EDA: variants seen among roughly 807,000 people sequenced by gnomAD.
EDA encodes ectodysplasin-A.
In EDA, 2 loss-of-function variants were observed where a neutral mutation model predicts 23.6. The observed-to-expected ratio is 0.08, with a 90% CI of 0.03 to 0.27. The LOEUF (loss-of-function observed/expected upper bound fraction) is 0.27, where lower values mean the gene tolerates loss of function less well. Among genes scored for constraint, EDA ranks in the 10% least tolerant of loss-of-function variants. EDA has a pLI of 1.00. For synonymous variants in EDA, 131 were observed against 132.0 expected, an observed-to-expected ratio of 0.99 and a Z score of 0.05; for missense variants, 229 against 324.2, an observed-to-expected ratio of 0.71 and a Z score of 2.26.
At chrX:69,809,482 C>T (rs1437333359) in intron 1 of EDA, among the ~76,000 whole-genome samples, 2 of 111,350 alleles carry the variant, frequency 1.8e-5, no homozygotes, top group Non-Finnish European at 3.8e-5. Flanking sequence ...TACAATTCGA[C>T]ATGAGATTTG....
At chrX:70,018,263 T>C (rs911357356) in intron 2 of EDA, among the ~76,000 whole-genome samples, 3 of 112,256 alleles carry the variant, frequency 2.7e-5, no homozygotes, top group Non-Finnish European at 5.6e-5. Flanking sequence ...ATTGTCAAAA[T>C]GGTCATAATA....
Position 69,740,106 on chromosome X carries a change from A to G in EDA, c.396+123402A>G, listed in dbSNP as rs745727500. Among the ~76,000 whole-genome samples, 5 of 111,327 alleles carry G rather than the reference A, an allele frequency of 4.5e-5. 1 individual carries two copies. The South Asian group carries it at 1.5e-3, about 33-fold the overall frequency. On this transcript the variant is annotated intron_variant, in intron 1 of 7. Transcript: ENST00000374552. ...GTTATTGTCAAATTAATATATTTCT[A>G]TATGTAATAAGCCCAATAATTCAAT...
At chrX:69,659,298 G>A (rs769460801) in intron 1 of EDA, among the ~76,000 whole-genome samples, 4 of 111,869 alleles carry the variant, frequency 3.6e-5, no homozygotes, top group South Asian at 3.7e-4. Context: ...ACTACATTTC[G>A]GGAACATCCT....
chrX:69,929,855 G>A (rs183386343), intron 1 of EDA, among the ~76,000 whole-genome samples: 18 of 109,188 alleles, frequency 1.6e-4, no homozygotes, highest in African/African-American at 5.3e-4. Context: ...GCATTTGGAA[G>A]TGTGGAGAAT....
chrX:69,636,329 G>A (rs905682856), intron 1 of EDA, among the ~76,000 whole-genome samples: 1 of 110,108 alleles, frequency 9.1e-6, no homozygotes, highest in Non-Finnish European at 1.9e-5. Context: ...AGCTTCCTGA[G>A]GCCCTTCCCA....
intron 1 of EDA, among the ~76,000 whole-genome samples, chrX:69,673,317 T>C (rs761543914): frequency 9.0e-6 from 1 of 111,392 alleles, no homozygotes; most frequent in Non-Finnish European, 1.9e-5. Context: ...GTAGGAATAG[T>C]TGAACCAGCA....
intron 1 of EDA, among the ~76,000 whole-genome samples, chrX:69,660,803 C>T (rs949010821): frequency 4.5e-5 from 5 of 111,492 alleles, no homozygotes; most frequent in South Asian, 3.8e-4. Flanking sequence ...AATAAACATA[C>T]GTGTGCATGT....
intron 1 of EDA, among the ~76,000 whole-genome samples, chrX:69,894,168 C>G (rs899697704): frequency 9.0e-5 from 10 of 111,632 alleles, no homozygotes; most frequent in Non-Finnish European, 1.7e-4. Context: ...AATAGGGAGT[C>G]TTTCCCCCAT....
At chrX:69,906,754 C>T (rs777004918) in intron 1 of EDA, among the ~76,000 whole-genome samples, 43 of 111,393 alleles carry the variant, frequency 3.9e-4, no homozygotes, top group Non-Finnish European at 5.8e-4. Flanking sequence ...CACACATACA[C>T]GCACGCACAC....
At chrX:69,691,861 G>T (rs1221484747) in intron 1 of EDA, among the ~76,000 whole-genome samples, 1 of 111,738 alleles carries the variant, frequency 8.9e-6, no homozygotes, top group Non-Finnish European at 1.9e-5. Context: ...TTCAAGTAAA[G>T]AAAGGTAACT....
chrX:69,951,582 G>T (rs1447866167), intron 1 of EDA, among the ~76,000 whole-genome samples: 1 of 111,353 alleles, frequency 9.0e-6, no homozygotes, highest in Non-Finnish European at 1.9e-5. Flanking sequence ...AATTTTCTAT[G>T]AATTATCTAG....
At chrX:69,802,151 T>C (rs1362505388) in intron 1 of EDA, among the ~76,000 whole-genome samples, 1 of 110,528 alleles carries the variant, frequency 9.0e-6, no homozygotes, top group Non-Finnish European at 1.9e-5. Context: ...GTATATTAAA[T>C]ATACAGTGAA....
chrX:69,670,537 A>C (rs1267645720), intron 1 of EDA, among the ~76,000 whole-genome samples: 2 of 110,113 alleles, frequency 1.8e-5, no homozygotes, highest in Non-Finnish European at 3.8e-5. Context: ...CATAATGTGA[A>C]AGTTTGTTTA....
chrX:69,797,122 G>A (rs757915982), intron 1 of EDA, among the ~76,000 whole-genome samples: 151 of 111,044 alleles, frequency 1.4e-3, no homozygotes, highest in Non-Finnish European at 1.9e-3. Context: ...GAGTTATCTA[G>A]AAGGCAAGCG....
At chrX:69,665,069 A>G (rs1014187180) in intron 1 of EDA, among the ~76,000 whole-genome samples, 2 of 111,771 alleles carry the variant, frequency 1.8e-5, no homozygotes, top group Non-Finnish European at 3.8e-5. Flanking sequence ...CTAATGATGT[A>G]GAGCATTTTT....
At chrX:69,981,109 G>C (rs751719576) in intron 2 of EDA, among the ~76,000 whole-genome samples, 77 of 111,637 alleles carry the variant, frequency 6.9e-4, no homozygotes, top group East Asian at 1.1e-3. Context: ...TGAAAGTTTA[G>C]AATCTTAGTA....
chrX:69,842,607 G>T (rs1181383458), intron 1 of EDA, among the ~76,000 whole-genome samples: 1 of 111,576 alleles, frequency 9.0e-6, no homozygotes, highest in Non-Finnish European at 1.9e-5. Context: ...TGTAAGATGA[G>T]AGATGCAAAA....
At chrX:70,010,013 G>T (rs1346002935) in intron 2 of EDA, among the ~76,000 whole-genome samples, 1 of 111,953 alleles carries the variant, frequency 8.9e-6, no homozygotes, top group African/African-American at 3.2e-5. Flanking sequence ...AATTTTTAAG[G>T]TGTGTTTTAT....
chrX:69,789,194 G>A (rs538051743), intron 1 of EDA, among the ~76,000 whole-genome samples: 9 of 111,674 alleles, frequency 8.1e-5, no homozygotes, highest in African/African-American at 2.6e-4. Context: ...CCACTGTCTC[G>A]CACTCCCTAG....
Sources: gnomAD v4.1 joint callset for allele counts (sites outside exome capture counted in the v4.1 genomes callset) on GRCh38, gnomAD v4.1.1 for gene constraint, MANE v1.5 for transcripts, NCBI Gene and HGNC (gene_info 2026-07-23, HGNC 2026-07-21) for gene names.